Variants in KCNJ14 observed in about 807,000 individuals in gnomAD.
KCNJ14 encodes potassium inwardly rectifying channel subfamily J member 14, also known as ATP-sensitive inward rectifier potassium channel 14.
Under a neutral mutation model 24.5 loss-of-function variants are expected in KCNJ14, and 18 were observed. The observed-to-expected ratio is 0.74, with a 90% CI of 0.51 to 1.09. KCNJ14 has a LOEUF of 1.09. KCNJ14 is among the 50% of genes least tolerant of loss of function. The pLI, the probability that KCNJ14 is intolerant of heterozygous loss-of-function variation, is 0.00. For synonymous variants in KCNJ14, 288 were observed against 270.8 expected (o/e 1.06, Z -0.63); for missense variants, 633 against 623.0 (o/e 1.02, Z -0.17).
At position 48,462,464 on chromosome 19, in the gene KCNJ14, C is replaced by G. The variant is rs765441291; in HGVS notation, c.714+26C>G. The G allele has an allele frequency of 3.4e-5, 48 of 1,431,320 alleles. No homozygotes were observed. In the African/African-American group the frequency reaches 6.2e-4, roughly 18 times the overall value. The allele number at this position is 1,431,320 out of a possible 1,614,324, so 88.7% of individuals were successfully genotyped here. A position where few individuals can be genotyped will look rare whatever the true frequency, so the allele number is the denominator to read the frequency against. On this transcript the variant is annotated intron_variant, in intron 2 of 2. Transcript: ENST00000342291. The surrounding 1 kb of genome is among the most constrained non-coding windows in gnomAD (Gnocchi z 4.9). ...GTGCGCCCGGGAGGAGAGGCGGGGA[C>G]TTCCGTGAGCCCTGGGGGATTGTGG...
chr19:48,457,184 T>C (rs1292446468), intron 1 of KCNJ14, among the ~76,000 whole-genome samples: 1 of 151,896 alleles, frequency 6.6e-6, no homozygotes, highest in Admixed American at 6.6e-5. Context: ...CCATGTTCCC[T>C]AAGCTGGTTT....
chr19:48,462,194 A>G lies in KCNJ14; in HGVS notation c.470A>G (p.Glu157Gly). 6.4e-7 allele frequency: 1 copy of G among 1,558,988 alleles called. No homozygotes were observed. The highest frequency in any genetic ancestry group is 8.7e-7 in the Non-Finnish European group (1 of 1,152,206). The change falls in exon 2 of 3, where the codon GAG (glutamate) becomes GGG (glycine). Residue 157 changes from glutamate (E) to glycine (G), a missense_variant. Glu to Gly is a moderately conservative substitution (Grantham distance 98). Coordinates refer to ENST00000342291, the MANE Select transcript of KCNJ14 (RefSeq NM_013348.4). The surrounding 1 kb of genome is among the most constrained non-coding windows in gnomAD (Gnocchi z 4.9). The stretch of plus-strand genomic sequence containing the variant: ...GGCTACGGCGTGCGCAGCGTCACCG[A>G]GGAGTGCCCGGCCGCTGTGGCCGCC... The part of the protein sequence containing the change: ...SIGYGVRSVT[E>G]ECPAAVAAVV...
chr19:48,459,126 C>T (rs1257189704), intron 1 of KCNJ14, among the ~76,000 whole-genome samples: 3 of 144,886 alleles, frequency 2.1e-5, no homozygotes, highest in African/African-American at 7.7e-5. Context: ...CCTGTAGTCC[C>T]AGCCTCGGGA....
In KCNJ14 at chr19:48,465,142, G is replaced by A. The variant is rs1312255412; in HGVS notation, c.*365G>A. The stretch of plus-strand genomic sequence containing the variant: ...TAGACTGCCTCTGGGGAAGCAAGTT[G>A]GCAGTTCTTGAACAGCATCAGATAT... On this transcript the variant is annotated 3_prime_UTR_variant, in exon 3 of 3. Transcript: ENST00000342291. The A allele has an allele frequency of 1.8e-5, 4 of 228,442 alleles. No homozygotes were observed. Among genetic ancestry groups the A allele is most frequent in the Non-Finnish European group, 8.7e-6 (1 of 115,116 alleles). 14.2% of individuals were successfully genotyped at this position (228,442 alleles called of 1,614,324 possible).
rs140065287 is a variant in KCNJ14 at position 48,464,560 on chromosome 19, A to C, written c.1094A>C (p.Glu365Ala). ...GGGACACCGGTCTGCAGTGCTAAGG[A>C]GCTGGATGAACGGGCAGAGCAGGCT... ...VPGTPVCSAK[E>A]LDERAEQASH... is the part of the protein sequence containing the mutation. The change falls in exon 3 of 3, where the codon GAG (glutamate) becomes GCG (alanine). Residue 365 changes from glutamate to alanine, a missense_variant. By Grantham distance (107) the Glu-to-Ala change is moderately radical. Transcript: ENST00000342291. 132 of 1,614,098 alleles carry C rather than the reference A, an allele frequency of 8.2e-5. No homozygotes were observed. In the African/African-American group the frequency reaches 1.5e-3, roughly 18 times the overall value.
chr19:48,461,518 ACT>A (rs540762281), intron 1 of KCNJ14, 150 bp from the exon 2 acceptor site: 5 of 381,272 alleles, frequency 1.3e-5, no homozygotes, highest in South Asian at 2.1e-4. Flanking sequence ...ACAGAGCGAG[ACT>A]CTGTCTCCAA....
intron 1 of KCNJ14, among the ~76,000 whole-genome samples, chr19:48,459,036 C>T (rs897846105): frequency 1.3e-5 from 2 of 149,216 alleles, no homozygotes; most frequent in South Asian, 2.1e-4. Context: ...GTCAGGAGAT[C>T]GAGACCATCC....
Position 48,461,761 on chromosome 19 carries a change from G to A in KCNJ14, c.37G>A (p.Ala13Thr), listed in dbSNP as rs1175475180. ...CAGGGCCCTACGCCGCCTCAGCGGCGCCCTGGATTCGGGAGACAGCCGGGC... is the reference window on the plus strand; with the variant it reads ...CAGGGCCCTACGCCGCCTCAGCGGCACCCTGGATTCGGGAGACAGCCGGGC... The part of the protein sequence containing the change: ...LARALRRLSG[A>T]LDSGDSRAGD... Residue 13 changes from alanine to threonine, a missense_variant, in exon 2 of 3, where the codon GCC (alanine) becomes ACC (threonine). Physicochemically the swap from Ala to Thr is moderately conservative, Grantham distance 58. Transcript: ENST00000342291. 3 of 1,445,696 alleles carry A rather than the reference G, an allele frequency of 2.1e-6. No individual in the cohort carries two copies. Among genetic ancestry groups the A allele is most frequent in the African/African-American group, 1.5e-5 (1 of 68,618 alleles). The allele number at this position is 1,445,696 out of a possible 1,614,324, so 89.6% of individuals were successfully genotyped here.
intron 2 of KCNJ14, among the ~76,000 whole-genome samples, chr19:48,463,356 G>A (rs974740624): frequency 1.3e-5 from 2 of 152,128 alleles, no homozygotes; most frequent in South Asian, 4.1e-4. Flanking sequence ...TACAAGAGGA[G>A]GATAGATGCC....
intron 1 of KCNJ14, among the ~76,000 whole-genome samples, chr19:48,459,831 C>T (rs1971575201): frequency 6.6e-6 from 1 of 152,040 alleles, no homozygotes; most frequent in Admixed American, 6.6e-5. Context: ...GAGTTCAAGA[C>T]CAGCCTGGCC....
chr19:48,455,924 C>T (rs1399127896), intron 1 of KCNJ14, 66 bp downstream of exon 1: 1 of 152,194 alleles, frequency 6.6e-6, no homozygotes, highest in East Asian at 1.9e-4. Flanking sequence ...CACGAGGCCT[C>T]GTACATACCA....
rs771965487 is a variant in KCNJ14 at position 48,464,181 on chromosome 19, C to A, written c.715C>A (p.Pro239Thr). The part of the protein sequence containing the change: ...EAHVRAQLLQ[P>T]RVTPEGEYIP... ...TTTGGCTCCTCGCCTCCTGCTGCAGCCCCGTGTGACCCCAGAGGGTGAGTA... is the reference window on the plus strand; with the variant it reads ...TTTGGCTCCTCGCCTCCTGCTGCAGACCCGTGTGACCCCAGAGGGTGAGTA... The change falls in exon 3 of 3, where the codon CCC becomes ACC. Residue 239 changes from proline to threonine, a missense_variant and splice_region_variant. Pro to Thr is a conservative substitution (Grantham distance 38, BLOSUM62 -1). Transcript: ENST00000342291. 5.0e-6 allele frequency: 8 copies of A among 1,611,620 alleles called. No individual in the cohort carries two copies. The Admixed American group carries it at 5.0e-5, about 10-fold the overall frequency.
Position 48,464,280 on chromosome 19 carries a change from A to G in KCNJ14, c.814A>G (p.Ile272Val), listed in dbSNP as rs139400525. ...CGATCGTATCTTCCTCGTGTCCCCC[A>G]TCACCATCGTCCATGAGATCGACTC... ...GTDRIFLVSPITIVHEIDSAS... is the reference protein window; with the variant it reads ...GTDRIFLVSPVTIVHEIDSAS... Residue 272 changes from isoleucine to valine, a missense_variant, in exon 3 of 3, where the codon ATC becomes GTC. Ile to Val is a conservative substitution (Grantham distance 29). Transcript: ENST00000342291. The G allele has an allele frequency of 5.0e-6, 8 of 1,613,736 alleles. No homozygotes were observed. In the African/African-American group the frequency reaches 5.3e-5, roughly 11 times the overall value.
chr19:48,463,168 G>A (rs1384570476), intron 2 of KCNJ14, among the ~76,000 whole-genome samples: 1 of 152,142 alleles, frequency 6.6e-6, no homozygotes, highest in Non-Finnish European at 1.5e-5. Flanking sequence ...TAGAATTGTG[G>A]TCAAATTGCT....
Position 48,462,174 on chromosome 19 carries a change from C to T in KCNJ14, c.450C>T (p.Tyr150=). The change falls in exon 2 of 3, where the codon TAC becomes TAT. Residue 150 remains tyrosine, a synonymous_variant. Coordinates refer to ENST00000342291, the MANE Select transcript of KCNJ14 (RefSeq NM_013348.4). The surrounding 1 kb of genome is among the most constrained non-coding windows in gnomAD (Gnocchi z 4.9). ...TGGAGACGCAGACGTCCATCGGCTACGGCGTGCGCAGCGTCACCGAGGAGT... is the reference window on the plus strand; with the variant it reads ...TGGAGACGCAGACGTCCATCGGCTATGGCGTGCGCAGCGTCACCGAGGAGT... ...FALETQTSIG[Y]GVRSVTEECP... 1.3e-6 allele frequency: 2 copies of T among 1,568,940 alleles called. No homozygotes were observed. Among genetic ancestry groups the T allele is most frequent in the Non-Finnish European group, 1.7e-6 (2 of 1,157,860 alleles).
At chr19:48,461,568 A>G (rs981475976) in intron 1 of KCNJ14, 102 bp from the exon 2 acceptor site, 6 of 400,786 alleles carry the variant, frequency 1.5e-5, no homozygotes, top group African/African-American at 4.5e-5. Context: ...CGTTCCACCT[A>G]TTTGACAGAT....
chr19:48,464,637 G>C lies in KCNJ14; in HGVS notation c.1171G>C (p.Glu391Gln). ...FPGSLTAFCY[E>Q]NELALSCCQE... ...CGGCTCTCTGACTGCATTTTGTTAT[G>C]AGAATGAACTTGCTCTGAGCTGCTG... is the stretch of plus-strand genomic sequence containing the variant. Residue 391 changes from glutamate to glutamine, a missense_variant, in exon 3 of 3, where the codon GAG becomes CAG. Glu to Gln is a conservative substitution (Grantham distance 29). Transcript: ENST00000342291. The C allele has an allele frequency of 6.2e-7, 1 of 1,614,124 alleles. No individual in the cohort carries two copies. Among genetic ancestry groups the C allele is most frequent in the Non-Finnish European group, 8.5e-7 (1 of 1,180,028 alleles).
Position 48,462,097 on chromosome 19 carries a change from G to A in KCNJ14, c.373G>A (p.Ala125Thr). ...CGACCTGGCCGCCCCGCCACCGCCC[G>A]CGCCCTGCTTCTCACACGTGGCCAG... ...HGDLAAPPPP[A>T]PCFSHVASFL... The change falls in exon 2 of 3, where the codon GCG becomes ACG. Residue 125 changes from alanine to threonine, a missense_variant. By Grantham distance (58) the Ala-to-Thr change is moderately conservative. Coordinates refer to ENST00000342291, the MANE Select transcript of KCNJ14 (RefSeq NM_013348.4). This position sits in a 1 kb window ranked among gnomAD's most constrained non-coding sequence, Gnocchi z 4.9. The A allele has an allele frequency of 1.9e-6, 3 of 1,601,542 alleles. No homozygotes were observed. Among genetic ancestry groups the A allele is most frequent in the Non-Finnish European group, 2.6e-6 (3 of 1,175,788 alleles).
In KCNJ14 at chr19:48,464,525, T is replaced by C. The variant is rs1172018941; in HGVS notation, c.1059T>C (p.Tyr353=). 2 of 1,614,152 alleles carry C rather than the reference T, an allele frequency of 1.2e-6. No individual in the cohort carries two copies. Among genetic ancestry groups the C allele is most frequent in the Non-Finnish European group, 1.7e-6 (2 of 1,180,034 alleles). The change falls in exon 3 of 3, where the codon TAT becomes TAC. Residue 353 remains tyrosine (Y), a synonymous_variant. Coordinates refer to ENST00000342291, the MANE Select transcript of KCNJ14 (RefSeq NM_013348.4). The part of the protein sequence containing the change: ...EVDYRHFHRT[Y]EVPGTPVCSA... ...ACTATCGCCACTTCCATCGCACTTA[T>C]GAGGTCCCAGGGACACCGGTCTGCA...
Sources: gnomAD v4.1 joint callset for allele counts (sites outside exome capture counted in the v4.1 genomes callset) on GRCh38, gnomAD v4.1.1 for gene constraint, Gnocchi (gnomAD v3.1) non-coding constraint, MANE v1.5 for transcripts, NCBI Gene and HGNC (gene_info 2026-07-23, HGNC 2026-07-21) for gene names.